Variants in SYNJ1 observed in about 807,000 individuals in gnomAD.
SYNJ1 encodes synaptojanin 1, also known as polyphosphatidylinositol phosphatase SYNJ1.
Under a neutral mutation model 168.2 loss-of-function variants are expected in SYNJ1, and 78 were observed. That is an observed-to-expected ratio of 0.46 (90% CI 0.39 to 0.56). The LOEUF is 0.56. SYNJ1 is among the 20% of genes least tolerant of loss of function. The probability of loss-of-function intolerance (pLI) is 0.00; values close to 1 mark genes in which losing one functional copy is unlikely to be tolerated. For synonymous variants in SYNJ1, 539 were observed against 548.6 expected (o/e 0.98, Z 0.24); for missense variants, 1,303 against 1,597.6 (o/e 0.82, Z 3.14).
chr21:32,709,659 A>G (rs2042754197), intron 2 of SYNJ1, among the ~76,000 whole-genome samples: 1 of 151,340 alleles, frequency 6.6e-6, no homozygotes, highest in African/African-American at 2.4e-5. Flanking sequence ...CTGGGATTAC[A>G]GGTGCCCACC....
chr21:32,674,599 C>T (rs186691808), intron 13 of SYNJ1, among the ~76,000 whole-genome samples: 28 of 141,668 alleles, frequency 2.0e-4, no homozygotes, highest in African/African-American at 7.5e-4. Context: ...ATGTTCAATA[C>T]ATTTTGAATC....
chr21:32,722,205 AATATATATAT>A (rs1195698677), intron 2 of SYNJ1, among the ~76,000 whole-genome samples: 59 of 65,752 alleles, frequency 9.0e-4, no homozygotes, highest in Non-Finnish European at 1.6e-3. Flanking sequence ...AAAAAAAAAA[AATATATATAT>A]ATATATATAT....
chr21:32,644,703 C>T (rs1170087045), intron 26 of SYNJ1, among the ~76,000 whole-genome samples: 1 of 151,962 alleles, frequency 6.6e-6, no homozygotes, highest in East Asian at 1.9e-4. Flanking sequence ...ATTTACTGTA[C>T]CTGAATGACT....
intron 7 of SYNJ1, among the ~76,000 whole-genome samples, chr21:32,687,916 A>AAT (rs1157534187): frequency 6.6e-6 from 1 of 152,140 alleles, no homozygotes; most frequent in African/African-American, 2.4e-5. Context: ...TACTCTGAGT[A>AAT]TACCGAACAT....
In SYNJ1 at chr21:32,690,862, C is replaced by T. The variant is rs566739054; in HGVS notation, c.790-2495G>A. The stretch of plus-strand genomic sequence containing the variant: ...ACTTGAAGCCGGGAGGCGGAGGTTG[C>T]GGTGAGCCAAGACTGTGCCATTGCA... On this transcript the variant is annotated intron_variant, in intron 6 of 32. Transcript: ENST00000674351. Among the ~76,000 whole-genome samples the T allele has an allele frequency of 3.9e-5, 6 of 152,176 alleles. No homozygotes were observed. In the South Asian group the frequency reaches 1.0e-3, roughly 26 times the overall value.
intron 23 of SYNJ1, among the ~76,000 whole-genome samples, chr21:32,647,253 C>T (rs2040110014): frequency 6.6e-6 from 1 of 152,208 alleles, no homozygotes; most frequent in African/African-American, 2.4e-5. Context: ...ATTTATGTAA[C>T]ATCCTCTACC....
chr21:32,699,814 C>G, intron 4 of SYNJ1, 24 bp downstream of exon 4: 2 of 1,598,410 alleles, frequency 1.3e-6, no homozygotes, highest in Middle Eastern at 1.7e-4. Context: ...TCCCAAATCA[C>G]CAAAAGGGAA....
chr21:32,654,456 T>C (rs2040389182), intron 21 of SYNJ1, among the ~76,000 whole-genome samples: 1 of 152,196 alleles, frequency 6.6e-6, no homozygotes, highest in Non-Finnish European at 1.5e-5. Context: ...CGAAGGTATC[T>C]TTTTCAGATT....
At chr21:32,702,222 T>G (rs1456879262) in intron 2 of SYNJ1, among the ~76,000 whole-genome samples, 175 bp from the exon 3 acceptor site, 2 of 152,212 alleles carry the variant, frequency 1.3e-5, no homozygotes, top group Admixed American at 1.3e-4. Context: ...AGTTAATAAA[T>G]TATTCCAAGA....
At chr21:32,640,194 T>C (rs1169138133) in intron 29 of SYNJ1, among the ~76,000 whole-genome samples, 3 of 152,172 alleles carry the variant, frequency 2.0e-5, no homozygotes, top group Non-Finnish European at 4.4e-5. Flanking sequence ...CAATGCTGTC[T>C]TTATGGGGAA....
intron 23 of SYNJ1, among the ~76,000 whole-genome samples, chr21:32,649,786 G>T (rs2040207011): frequency 6.6e-6 from 1 of 152,240 alleles, no homozygotes; most frequent in Non-Finnish European, 1.5e-5. Flanking sequence ...GCCTCGCTCT[G>T]TTGCCCAGGC....
intron 2 of SYNJ1, among the ~76,000 whole-genome samples, chr21:32,719,587 G>A (rs564330880): frequency 2.4e-4 from 37 of 152,032 alleles, no homozygotes; most frequent in Admixed American, 5.2e-4. Flanking sequence ...GGTAGCGGGT[G>A]CCTGCAATCC....
intron 9 of SYNJ1, among the ~76,000 whole-genome samples, chr21:32,684,676 CT>C (rs904732022): frequency 1.3e-5 from 2 of 152,162 alleles, no homozygotes; most frequent in Non-Finnish European, 2.9e-5. Context: ...AAGCCTTTCA[CT>C]TCTATTTGCA....
At chr21:32,708,596 T>A (rs1035562876) in intron 2 of SYNJ1, among the ~76,000 whole-genome samples, 2 of 152,244 alleles carry the variant, frequency 1.3e-5, no homozygotes, top group Non-Finnish European at 2.9e-5. Context: ...TTAGTTCACA[T>A]GCTGAACACA....
chr21:32,661,835 C>G (rs996377915), intron 18 of SYNJ1, among the ~76,000 whole-genome samples: 1 of 152,010 alleles, frequency 6.6e-6, no homozygotes, highest in Non-Finnish European at 1.5e-5. Flanking sequence ...AGGCACTCCC[C>G]GAGAGTTAGG....
chr21:32,645,092 G>A (rs2040002402), intron 25 of SYNJ1, 86 bp from the exon 26 acceptor site: 1 of 1,324,132 alleles, frequency 7.6e-7, no homozygotes, highest in Admixed American at 2.2e-5. Flanking sequence ...TAGTATCCAT[G>A]ACATCAAGTA....
At chr21:32,727,856 G>A in intron 1 of SYNJ1, 90 bp downstream of exon 1, 1 of 1,509,106 alleles carries the variant, frequency 6.6e-7, no homozygotes, top group Non-Finnish European at 8.8e-7. Flanking sequence ...TGACGCTGCG[G>A]AGGCAGAGAC....
At chr21:32,724,107 A>G (rs1191888622) in intron 2 of SYNJ1, among the ~76,000 whole-genome samples, 1 of 151,358 alleles carries the variant, frequency 6.6e-6, no homozygotes, top group Non-Finnish European at 1.5e-5. Context: ...ATCTCCTTAA[A>G]GGAGATCAAC....
chr21:32,649,169 G>A (rs952888260), intron 23 of SYNJ1, among the ~76,000 whole-genome samples: 1 of 152,042 alleles, frequency 6.6e-6, no homozygotes, highest in South Asian at 2.1e-4. Flanking sequence ...TTACTTACAC[G>A]TAACACCCAA....
Sources: allele counts gnomAD v4.1 joint callset (sites outside exome capture counted in the v4.1 genomes callset), GRCh38; gene constraint gnomAD v4.1.1; transcripts MANE v1.5; gene names NCBI Gene and HGNC (gene_info 2026-07-23, HGNC 2026-07-21).